The following FAM184B variants were observed in gnomAD, a reference collection of about 807,000 sequenced individuals.
FAM184B encodes the protein family with sequence similarity 184 member B, also known as protein FAM184B.
Under a neutral mutation model 135.9 loss-of-function variants are expected in FAM184B, and 111 were observed. That is an observed-to-expected ratio of 0.82 (90% CI 0.70 to 0.96). The LOEUF is 0.96. Ranked by LOEUF, FAM184B falls within the 40% of genes least tolerant of loss-of-function variation. FAM184B has a pLI of 0.00. For synonymous variants in FAM184B, 552 were observed against 524.8 expected (o/e 1.05, Z -0.71); for missense variants, 1,375 against 1,323.9 (o/e 1.04, Z -0.60).
intron 1 of FAM184B, among the ~76,000 whole-genome samples, chr4:17,753,400 A>T (rs1718344205): frequency 6.6e-6 from 1 of 152,188 alleles, no homozygotes. Context: ...CTGTATGTAT[A>T]TTTTATTGAA....
At chr4:17,706,940 T>A (rs1717134118) in intron 3 of FAM184B, among the ~76,000 whole-genome samples, 1 of 151,886 alleles carries the variant, frequency 6.6e-6, no homozygotes, top group African/African-American at 2.4e-5. Context: ...CACCCCTCAC[T>A]GTGCTTGGCT....
intron 17 of FAM184B, 44 bp from the exon 18 acceptor site, chr4:17,632,669 G>A: frequency 7.6e-7 from 1 of 1,308,738 alleles, no homozygotes; most frequent in South Asian, 1.3e-5. Flanking sequence ...TGAAAACTAT[G>A]CAAGAAGCAG....
intron 10 of FAM184B, among the ~76,000 whole-genome samples, chr4:17,654,724 C>A (rs1272271815): frequency 6.6e-6 from 1 of 152,236 alleles, no homozygotes; most frequent in Non-Finnish European, 1.5e-5. Flanking sequence ...CCCAAGTTGG[C>A]CTCCCAAACC....
chr4:17,759,576 C>T (rs1487448634), intron 1 of FAM184B, among the ~76,000 whole-genome samples: 1 of 152,070 alleles, frequency 6.6e-6, no homozygotes, highest in Admixed American at 6.6e-5. Flanking sequence ...ACTGCAACCT[C>T]TTGCCTCCCA....
At chr4:17,640,803 G>T (rs771422285) in intron 13 of FAM184B, among the ~76,000 whole-genome samples, 1 of 152,220 alleles carries the variant, frequency 6.6e-6, no homozygotes, top group Non-Finnish European at 1.5e-5. Context: ...AAGGCTCTGA[G>T]TTCAGGATTG....
chr4:17,738,743 C>T (rs2108981922), intron 1 of FAM184B, among the ~76,000 whole-genome samples: 1 of 152,174 alleles, frequency 6.6e-6, no homozygotes, highest in Non-Finnish European at 1.5e-5. Flanking sequence ...GGAGGTGGGG[C>T]CTAATGGGGG....
At chr4:17,657,309 C>G (rs1232189037) in intron 10 of FAM184B, among the ~76,000 whole-genome samples, 1 of 152,222 alleles carries the variant, frequency 6.6e-6, no homozygotes, top group East Asian at 1.9e-4. Context: ...GACAGCTCTT[C>G]CAGAGCCCTC....
chr4:17,677,239 G>A (rs993200235), intron 7 of FAM184B, among the ~76,000 whole-genome samples: 6 of 151,930 alleles, frequency 3.9e-5, no homozygotes, highest in Non-Finnish European at 8.8e-5. Context: ...GTAGAGATGG[G>A]GTTTTGCCGT....
At chr4:17,778,531 TA>T (rs1201910715) in intron 1 of FAM184B, among the ~76,000 whole-genome samples, 2 of 152,204 alleles carry the variant, frequency 1.3e-5, no homozygotes, top group Admixed American at 6.5e-5. Flanking sequence ...TAAATTTAAT[TA>T]ACTTTTAACT....
At chr4:17,644,646 A>C (rs1212497437) in intron 12 of FAM184B, among the ~76,000 whole-genome samples, 1 of 152,240 alleles carries the variant, frequency 6.6e-6, no homozygotes, top group Non-Finnish European at 1.5e-5. Flanking sequence ...GAATGGGCAA[A>C]AACTGGAAGC....
chr4:17,653,472 C>G (rs1335871930), intron 10 of FAM184B, among the ~76,000 whole-genome samples: 1 of 152,130 alleles, frequency 6.6e-6, no homozygotes, highest in Admixed American at 6.5e-5. Context: ...CTTTTCAGTC[C>G]ATGCTCTTGT....
chr4:17,720,298 C>A (rs1717490842), intron 1 of FAM184B, among the ~76,000 whole-genome samples: 1 of 152,184 alleles, frequency 6.6e-6, no homozygotes, highest in African/African-American at 2.4e-5. Context: ...TTAATACCTG[C>A]TCTTCCCACA....
At chr4:17,718,235 T>A (rs1004721947) in intron 1 of FAM184B, among the ~76,000 whole-genome samples, 1 of 152,216 alleles carries the variant, frequency 6.6e-6, no homozygotes, top group African/African-American at 2.4e-5. Context: ...TGATTTTTAC[T>A]ATTATCGGTA....
intron 1 of FAM184B, among the ~76,000 whole-genome samples, chr4:17,761,890 C>T (rs753353997): frequency 3.8e-4 from 58 of 152,134 alleles, no homozygotes; most frequent in Non-Finnish European, 7.2e-4. Flanking sequence ...CTAGTCAATA[C>T]TCTCCCTCTC....
rs192826128 is a variant in FAM184B, at chr4:17,775,421, G to A, written c.141+5738C>T. ...AGGATGGTCTCCGTCTCCTGACCTC[G>A]TGATCTGCCCGCCTCGGCCTCCCAA... is the stretch of plus-strand genomic sequence containing the variant. On this transcript the variant is annotated intron_variant, in intron 1 of 17. Transcript: ENST00000265018. 8.5e-5 allele frequency among the ~76,000 whole-genome samples: 13 copies of A among 152,246 alleles called. 1 individual carries two copies. Among genetic ancestry groups the A allele is most frequent in the East Asian group, 3.9e-4 (2 of 5,180 alleles).
chr4:17,781,148 C>T lies in FAM184B; in HGVS notation c.141+11G>A. On this transcript the variant is annotated intron_variant, in intron 1 of 17. Transcript: ENST00000265018. The surrounding 1 kb of genome is among the most constrained non-coding windows in gnomAD (Gnocchi z 6.5). Reference sequence around the variant, plus strand: ...GCGTGCAGCTCGCTGGCCCGCTGCGCCCCACCTTACCTTGGTGAGCTGGGC... The same window carrying T: ...GCGTGCAGCTCGCTGGCCCGCTGCGTCCCACCTTACCTTGGTGAGCTGGGC... 3 of 1,531,808 alleles carry T rather than the reference C, an allele frequency of 2.0e-6. No homozygotes were observed. Among genetic ancestry groups the T allele is most frequent in the Non-Finnish European group, 2.6e-6 (3 of 1,136,420 alleles). The allele number at this position is 1,531,808 out of a possible 1,614,324, so 94.9% of individuals were successfully genotyped here. A position where few individuals can be genotyped will look rare whatever the true frequency, so the allele number is the denominator to read the frequency against.
chr4:17,748,644 G>A (rs530373941), intron 1 of FAM184B, among the ~76,000 whole-genome samples: 3 of 150,832 alleles, frequency 2.0e-5, no homozygotes, highest in East Asian at 4.0e-4. Flanking sequence ...AGCCTCCCAA[G>A]TAGCTGGGTT....
chr4:17,761,411 T>G (rs567772505), intron 1 of FAM184B, among the ~76,000 whole-genome samples: 16 of 152,298 alleles, frequency 1.1e-4, no homozygotes, highest in African/African-American at 3.8e-4. Context: ...AAATATCTGT[T>G]GTTTAAGCTA....
intron 16 of FAM184B, 79 bp from the exon 17 acceptor site, chr4:17,633,967 T>C: frequency 8.6e-7 from 1 of 1,156,524 alleles, no homozygotes; most frequent in South Asian, 2.3e-5. Context: ...CAAATAATGC[T>C]CACCCAATCA....
Sources: allele counts gnomAD v4.1 joint callset (sites outside exome capture counted in the v4.1 genomes callset), GRCh38; gene constraint gnomAD v4.1.1; non-coding constraint Gnocchi (gnomAD v3.1); transcripts MANE v1.5; gene names NCBI Gene and HGNC (gene_info 2026-07-23, HGNC 2026-07-21).